Variants in LAMP5 observed in about 807,000 individuals in gnomAD.
LAMP5 encodes lysosome associated membrane protein 5, also known as lysosome-associated membrane glycoprotein 5.
In LAMP5, 36 loss-of-function variants were observed where a neutral mutation model predicts 30.2. The observed-to-expected ratio is 1.19, with a 90% CI of 0.91 to 1.57. LAMP5 has a LOEUF of 1.57. Among genes scored for constraint, LAMP5 ranks in the 40% most tolerant of loss-of-function variants. The pLI, the probability that LAMP5 is intolerant of heterozygous loss-of-function variation, is 0.00. For missense variants in LAMP5, 377 were observed against 354.9 expected (o/e 1.06, Z -0.50); for synonymous variants, 149 against 134.6 (o/e 1.11, Z -0.74).
chr20:9,517,617 A>ATGTGTGTGTGTGTG (rs1360512633), intron 4 of LAMP5, among the ~76,000 whole-genome samples: 3 of 79,064 alleles, frequency 3.8e-5, no homozygotes, highest in Non-Finnish European at 2.4e-5. Flanking sequence ...AATTTTGTAA[A>ATGTGTGTGTGTGTG]TGTATGTGTG....
intron 5 of LAMP5, among the ~76,000 whole-genome samples, chr20:9,528,936 C>T (rs1241906665): frequency 2.6e-5 from 4 of 152,212 alleles, no homozygotes; most frequent in Admixed American, 2.6e-4. Context: ...ATAGTACATT[C>T]CTTTTTATTA....
At chr20:9,524,039 C>T (rs2045095616) in intron 5 of LAMP5, among the ~76,000 whole-genome samples, 1 of 152,146 alleles carries the variant, frequency 6.6e-6, no homozygotes, top group Non-Finnish European at 1.5e-5. Flanking sequence ...GTGACTGTCA[C>T]CAATAGAAAT....
intron 5 of LAMP5, 63 bp downstream of exon 5, chr20:9,518,291 A>G: frequency 7.0e-7 from 1 of 1,433,882 alleles, no homozygotes; most frequent in Non-Finnish European, 9.7e-7. Flanking sequence ...TGAGAGAGGG[A>G]CCTACCAGGG....
intron 5 of LAMP5, among the ~76,000 whole-genome samples, chr20:9,520,927 A>G (rs555385548): frequency 6.6e-6 from 1 of 151,106 alleles, no homozygotes; most frequent in African/African-American, 2.5e-5. Context: ...TCAATGTGCA[A>G]TGACTGTGGT....
rs571410178 is a variant in LAMP5, at chr20:9,515,885, C to A, written c.238-115C>A. ...CCGCATGTTCCCGGAACCTGGGATG[C>A]GCGCGCGCAAAGGAGCGCCCAAGCG... On this transcript the variant is annotated intron_variant, in intron 2 of 5. Coordinates refer to ENST00000246070, the MANE Select transcript of LAMP5 (RefSeq NM_012261.4). The A allele has an allele frequency of 6.4e-4, 787 of 1,227,350 alleles. 3 individuals carry two copies. Among genetic ancestry groups the A allele is most frequent in the Non-Finnish European group, 6.2e-4 (570 of 912,110 alleles). The allele number at this position is 1,227,350 out of a possible 1,614,324, so 76.0% of individuals were successfully genotyped here. A position where few individuals can be genotyped will look rare whatever the true frequency, so the allele number is the denominator to read the frequency against.
rs1181157992 is a variant in LAMP5, at chr20:9,515,155, T to G, written c.64+239T>G. ...ACAGAGCCTAGACAGGCCAGCTTCG[T>G]GAGGTCAGAGCATTGGCAAGAAATA... On this transcript the variant is annotated intron_variant, in intron 1 of 5. Coordinates refer to ENST00000246070, the MANE Select transcript of LAMP5 (RefSeq NM_012261.4). Among the ~76,000 whole-genome samples the G allele has an allele frequency of 2.0e-5, 3 of 149,124 alleles. No individual in the cohort carries two copies. In the East Asian group the frequency reaches 5.8e-4, roughly 29 times the overall value.
chr20:9,527,552 G>A (rs193189061), intron 5 of LAMP5, among the ~76,000 whole-genome samples: 1 of 152,292 alleles, frequency 6.6e-6, no homozygotes, highest in Admixed American at 6.5e-5. Context: ...GGAGGAGACT[G>A]GAATACAGTA....
chr20:9,514,952 G>C, intron 1 of LAMP5, 36 bp downstream of exon 1: 1 of 1,580,666 alleles, frequency 6.3e-7, no homozygotes, highest in East Asian at 2.2e-5. Flanking sequence ...GAGAGGACGG[G>C]CACTCTTTGC....
chr20:9,519,435 G>A (rs528841003), intron 5 of LAMP5, among the ~76,000 whole-genome samples: 1 of 152,280 alleles, frequency 6.6e-6, no homozygotes, highest in East Asian at 1.9e-4. Flanking sequence ...TATTGAGAAG[G>A]CATTTGAGAA....
intron 5 of LAMP5, among the ~76,000 whole-genome samples, chr20:9,527,342 G>A (rs1003694808): frequency 6.6e-6 from 1 of 152,094 alleles, no homozygotes; most frequent in Non-Finnish European, 1.5e-5. Context: ...TACCTCAGAG[G>A]GTTGTTAACC....
Position 9,515,467 on chromosome 20 carries a change from A to G in LAMP5, c.79A>G (p.Ile27Val). 1 of 1,613,952 alleles carries G rather than the reference A, an allele frequency of 6.2e-7. No individual in the cohort carries two copies. The highest frequency in any genetic ancestry group is 8.5e-7 in the Non-Finnish European group (1 of 1,179,896). ...TTGTTCCGCAGATACAATGGCTCAA[A>G]TCATGGCAGAACAAGAAGTGGAAAA... ...LLMLFHTMAQ[I>V]MAEQEVENLS... Residue 27 changes from isoleucine (I) to valine (V), a missense_variant, in exon 2 of 6, where the codon ATC becomes GTC. Ile to Val is a conservative substitution (Grantham distance 29). Transcript: ENST00000246070.
chr20:9,529,812 A>G lies in LAMP5; in HGVS notation c.835A>G (p.Met279Val), dbSNP rs575036265. Residue 279 changes from methionine to valine, a missense_variant, in exon 6 of 6, where the codon ATG becomes GTG. Transcript: ENST00000246070. Reference protein sequence around the residue: ...IPRDRSQYKHMG With the variant: ...IPRDRSQYKHVG Reference sequence around the variant, plus strand: ...TCGGGACAGATCCCAGTATAAGCACATGGGCTAGAGGCCGTTAGGCAGGCA... The same window carrying G: ...TCGGGACAGATCCCAGTATAAGCACGTGGGCTAGAGGCCGTTAGGCAGGCA... 1 of 1,614,122 alleles carries G rather than the reference A, an allele frequency of 6.2e-7. No homozygotes were observed. The highest frequency in any genetic ancestry group is 1.7e-4 in the Middle Eastern group (1 of 6,060).
rs765518785 is a variant in LAMP5 at position 9,529,841 on chromosome 20, C to A, written c.*21C>A. ...GCTAGAGGCCGTTAGGCAGGCACCC[C>A]CTATTCCTGCTCCCCCAACTGGATC... On this transcript the variant is annotated 3_prime_UTR_variant, in exon 6 of 6. Coordinates refer to ENST00000246070, the MANE Select transcript of LAMP5 (RefSeq NM_012261.4). The A allele has an allele frequency of 1.9e-6, 3 of 1,611,066 alleles. No homozygotes were observed. Among genetic ancestry groups the A allele is most frequent in the Non-Finnish European group, 2.5e-6 (3 of 1,177,618 alleles).
At chr20:9,527,040 C>A (rs1325155061) in intron 5 of LAMP5, among the ~76,000 whole-genome samples, 2 of 151,928 alleles carry the variant, frequency 1.3e-5, no homozygotes, top group Non-Finnish European at 2.9e-5. Flanking sequence ...TGCTGGAAAA[C>A]TTCCTTGTTC....
chr20:9,529,055 A>C (rs2045132869), intron 5 of LAMP5, among the ~76,000 whole-genome samples: 1 of 152,188 alleles, frequency 6.6e-6, no homozygotes, highest in Admixed American at 6.5e-5. Context: ...GCTGCTATGA[A>C]CATTTATGTT....
At chr20:9,525,998 G>A (rs753414075) in intron 5 of LAMP5, among the ~76,000 whole-genome samples, 17 of 152,154 alleles carry the variant, frequency 1.1e-4, no homozygotes, top group Non-Finnish European at 2.4e-4. Context: ...TAAAACCATG[G>A]TCTACAGTCT....
At chr20:9,515,125 TC>T in intron 1 of LAMP5, 1 of 610,872 alleles carries the variant, frequency 1.6e-6, no homozygotes, top group Non-Finnish European at 2.9e-6. Context: ...TGTGGCATAT[TC>T]CAGACAGAGC....
At chr20:9,519,938 A>T (rs1275376090) in intron 5 of LAMP5, among the ~76,000 whole-genome samples, 1 of 152,226 alleles carries the variant, frequency 6.6e-6, no homozygotes, top group Non-Finnish European at 1.5e-5. Flanking sequence ...CAAACCTCAT[A>T]GATTTTTAGA....
rs897500940 is a variant in LAMP5 at position 9,529,670 on chromosome 20, G to A, written c.693G>A (p.Glu231=). The A allele has an allele frequency of 1.5e-5, 24 of 1,614,044 alleles. No homozygotes were observed. The highest frequency in any genetic ancestry group is 1.0e-4 in the Admixed American group (6 of 60,008). ...ATAAATGCCCAGTGGATGAGCGGGA[G>A]CAACTGGAAGAAACCTTGCCCCTGA... ...EEHKCPVDER[E]QLEETLPLIL... is the part of the protein sequence containing the mutation. The change falls in exon 6 of 6, where the codon GAG becomes GAA. Residue 231 remains glutamate (E), a synonymous_variant. Coordinates refer to ENST00000246070, the MANE Select transcript of LAMP5 (RefSeq NM_012261.4).
Sources: gnomAD v4.1 joint callset for allele counts (sites outside exome capture counted in the v4.1 genomes callset) on GRCh38, gnomAD v4.1.1 for gene constraint, MANE v1.5 for transcripts, NCBI Gene and HGNC (gene_info 2026-07-23, HGNC 2026-07-21) for gene names.